Variants in OSBPL1A observed in about 807,000 individuals in gnomAD.
The protein encoded by OSBPL1A is oxysterol binding protein like 1A.
A neutral mutation model predicts 137.1 loss-of-function variants in OSBPL1A; 80 were observed. The observed-to-expected ratio is 0.58, with a 90% confidence interval of 0.49 to 0.70. The LOEUF (loss-of-function observed/expected upper bound fraction) is 0.70, where lower values mean the gene tolerates loss of function less well. Ranked by LOEUF, OSBPL1A falls within the 30% of genes least tolerant of loss-of-function variation. The probability of loss-of-function intolerance (pLI) is 0.00; values close to 1 mark genes in which losing one functional copy is unlikely to be tolerated. For missense variants in OSBPL1A, 970 were observed against 1,129.4 expected (o/e 0.86, Z 2.02); for synonymous variants, 365 against 389.7 (o/e 0.94, Z 0.75).
chr18:24,365,025 C>CAAAAAAAA (rs56400717), intron 4 of OSBPL1A, among the ~76,000 whole-genome samples: 19 of 89,668 alleles, frequency 2.1e-4, no homozygotes, highest in East Asian at 3.8e-4. Context: ...AAAACAACAA[C>CAAAAAAAA]AAAAAAAAAA....
chr18:24,391,542 G>C (rs74333890), intron 1 of OSBPL1A, among the ~76,000 whole-genome samples: 3,533 of 143,066 alleles, frequency 0.025, 60 homozygotes, highest in Middle Eastern at 0.057. Context: ...GGGCAACACA[G>C]CAAGACCCCA....
chr18:24,312,244 G>C, intron 12 of OSBPL1A, 138 bp from the exon 13 acceptor site: 1 of 906,474 alleles, frequency 1.1e-6, no homozygotes, highest in East Asian at 2.7e-5. Context: ...AAAGCAACCA[G>C]TAATGAAACA....
intron 15 of OSBPL1A, among the ~76,000 whole-genome samples, chr18:24,278,261 T>C (rs987346892): frequency 3.3e-5 from 5 of 152,196 alleles, no homozygotes; most frequent in African/African-American, 4.8e-5. Context: ...ATTCCAATGA[T>C]AGTGGTCAAA....
intron 15 of OSBPL1A, among the ~76,000 whole-genome samples, chr18:24,279,141 A>T (rs1199476014): frequency 6.6e-6 from 1 of 151,784 alleles, no homozygotes; most frequent in Non-Finnish European, 1.5e-5. Flanking sequence ...TATGCTCGCC[A>T]TGGAGGCTCG....
chr18:24,324,881 A>T (rs976498112), intron 7 of OSBPL1A, among the ~76,000 whole-genome samples: 1 of 151,708 alleles, frequency 6.6e-6, no homozygotes, highest in African/African-American at 2.4e-5. Flanking sequence ...AGATCAAGAG[A>T]TCGAGACCAT....
At chr18:24,202,730 C>T (rs868509063) in intron 17 of OSBPL1A, among the ~76,000 whole-genome samples, 1 of 152,214 alleles carries the variant, frequency 6.6e-6, no homozygotes, top group African/African-American at 2.4e-5. Context: ...TAATTCACAA[C>T]ATTTGGTATT....
At chr18:24,305,580 G>T (rs2090483265) in intron 13 of OSBPL1A, among the ~76,000 whole-genome samples, 1 of 152,170 alleles carries the variant, frequency 6.6e-6, no homozygotes, top group African/African-American at 2.4e-5. Flanking sequence ...ATCAATTTAT[G>T]AAAGTTAATT....
At chr18:24,273,393 C>G (rs1386729567) in intron 15 of OSBPL1A, among the ~76,000 whole-genome samples, 1 of 152,152 alleles carries the variant, frequency 6.6e-6, no homozygotes, top group Non-Finnish European at 1.5e-5. Context: ...AAACAATGAA[C>G]AACAAATTAC....
intron 20 of OSBPL1A, 26 bp from the exon 21 acceptor site, chr18:24,178,221 GAAA>G (rs749902953): frequency 2.2e-6 from 2 of 905,968 alleles, no homozygotes; most frequent in Non-Finnish European, 3.1e-6. Context: ...AAAAAAAAAA[GAAA>G]AAAAAAAGCA....
intron 21 of OSBPL1A, among the ~76,000 whole-genome samples, chr18:24,172,835 G>T (rs954910147): frequency 6.6e-6 from 1 of 152,044 alleles, no homozygotes; most frequent in Non-Finnish European, 1.5e-5. Flanking sequence ...TCTAGAGAAA[G>T]TACCCTCCAG....
intron 4 of OSBPL1A, among the ~76,000 whole-genome samples, chr18:24,352,724 A>G (rs1192217917): frequency 6.6e-6 from 1 of 152,246 alleles, no homozygotes; most frequent in Non-Finnish European, 1.5e-5. Context: ...AGAGATATAG[A>G]CCAATGGAAC....
chr18:24,170,568 C>A, intron 23 of OSBPL1A, 115 bp from the exon 24 acceptor site: 1 of 1,165,276 alleles, frequency 8.6e-7, no homozygotes, highest in Non-Finnish European at 1.2e-6. Context: ...CCTGACCCTG[C>A]TTAGCTTCCA....
intron 5 of OSBPL1A, among the ~76,000 whole-genome samples, chr18:24,338,965 G>A (rs896635092): frequency 6.6e-6 from 1 of 152,106 alleles, no homozygotes; most frequent in Non-Finnish European, 1.5e-5. Context: ...ACCCGCCTCA[G>A]CTTCCCAAAG....
rs5823416 is a variant in OSBPL1A, at chr18:24,226,887, A to ATTTT, written c.1445-1693_1445-1690dup. 6.3e-4 allele frequency among the ~76,000 whole-genome samples: 64 copies of ATTTT among 100,858 alleles called. 4 individuals are homozygous for ATTTT. Among genetic ancestry groups the ATTTT allele is most frequent in the African/African-American group, 1.4e-3 (38 of 27,354 alleles). 66.2% of individuals were successfully genotyped at this position (100,858 alleles called of 152,430 possible). A position where few individuals can be genotyped will look rare whatever the true frequency, so the allele number is the denominator to read the frequency against. ...CCTATACCTCATAACAAAGAAACAG[A>ATTTT]TTTTTTTTTTTTTTTTTTTTTTGAG... On this transcript the variant is annotated intron_variant, in intron 16 of 27. Coordinates refer to ENST00000319481, the MANE Select transcript of OSBPL1A (RefSeq NM_080597.4).
chr18:24,299,372 G>A (rs57199135), intron 14 of OSBPL1A, among the ~76,000 whole-genome samples: 13,656 of 151,980 alleles, frequency 0.09, 2,000 homozygotes, highest in African/African-American at 0.31. Flanking sequence ...GGTACATATT[G>A]AGCTTTTGTT....
chr18:24,188,871 T>A (rs2086818982), intron 18 of OSBPL1A, among the ~76,000 whole-genome samples: 1 of 152,226 alleles, frequency 6.6e-6, no homozygotes, highest in Non-Finnish European at 1.5e-5. Flanking sequence ...CACTGATACA[T>A]CATTTTCACT....
At chr18:24,335,056 A>G (rs1429768647) in intron 5 of OSBPL1A, among the ~76,000 whole-genome samples, 2 of 152,052 alleles carry the variant, frequency 1.3e-5, no homozygotes, top group African/African-American at 4.8e-5. Context: ...CACCTGGTGA[A>G]TATTTTTATT....
chr18:24,196,182 A>G lies in OSBPL1A; in HGVS notation c.1620T>C (p.Pro540=). 15 of 1,610,036 alleles carry G rather than the reference A, an allele frequency of 9.3e-6. No individual in the cohort carries two copies. The highest frequency in any genetic ancestry group is 1.3e-5 in the Non-Finnish European group (15 of 1,178,900). ...TACTGAAGTCATTTCTGGAAAACAT[A>G]GGAGAAGGCAAACTTGTTCTGAAAA... ...IKKHRTSLPS[P]MFSRNDFSIW... Residue 540 remains proline, a synonymous_variant, in exon 18 of 28, where the codon CCT becomes CCC. Transcript: ENST00000319481.
rs1325516739 is a variant in OSBPL1A at position 24,280,856 on chromosome 18, T to G, written c.1267A>C (p.Thr423Pro). Residue 423 changes from threonine to proline, a missense_variant, in exon 15 of 28, where the codon ACC becomes CCC. Around this residue, in one of 2 missense-constraint regions of OSBPL1A, gnomAD observed 647 missense variants for 672.6 expected, o/e 0.96. Coordinates refer to ENST00000319481, the MANE Select transcript of OSBPL1A (RefSeq NM_080597.4). ...VALTDCLNLF[T>P]KQEGVRNFKL... ...GAACTACCTACCCCTTCTTGTTTGGTGAAGAGATTAAGGCAATCAGTCAAA... is the reference window on the plus strand; with the variant it reads ...GAACTACCTACCCCTTCTTGTTTGGGGAAGAGATTAAGGCAATCAGTCAAA... 1 of 1,591,888 alleles carries G rather than the reference T, an allele frequency of 6.3e-7. No individual in the cohort carries two copies. Among genetic ancestry groups the G allele is most frequent in the Non-Finnish European group, 8.5e-7 (1 of 1,172,622 alleles).
Sources: allele counts gnomAD v4.1 joint callset (sites outside exome capture counted in the v4.1 genomes callset), GRCh38; gene constraint gnomAD v4.1.1; regional missense constraint gnomAD v4.1.1; transcripts MANE v1.5; gene names NCBI Gene and HGNC (gene_info 2026-07-23, HGNC 2026-07-21).